The following CCDC9 variants were observed in gnomAD, a reference collection of about 807,000 sequenced individuals.
CCDC9 encodes the protein coiled-coil domain-containing protein 9.
Under a neutral mutation model 65.6 loss-of-function variants are expected in CCDC9, and 52 were observed. The ratio of observed to expected loss-of-function variants is 0.79; its 90% CI spans 0.63 to 1.00. The LOEUF (loss-of-function observed/expected upper bound fraction) is 1.00, where lower values mean the gene tolerates loss of function less well. Among genes scored for constraint, CCDC9 ranks in the 50% least tolerant of loss-of-function variants. CCDC9 has a pLI of 0.00. For synonymous variants in CCDC9, 332 were observed against 280.3 expected (o/e 1.18, Z -1.84); for missense variants, 834 against 757.2 (o/e 1.10, Z -1.19).
chr19:47,275,351 C>G (rs759124478), downstream of CCDC9: 74 of 1,538,216 alleles, frequency 4.8e-5, no homozygotes, highest in African/African-American at 7.7e-4. Context: ...CCGGGTAACT[C>G]TCCCTTCCAC....
intron 8 of CCDC9, among the ~76,000 whole-genome samples, chr19:47,267,843 CT>C (rs912503560): frequency 3.2e-4 from 47 of 147,104 alleles, no homozygotes; most frequent in Middle Eastern, 3.5e-3. Context: ...TCACCGTCAC[CT>C]TTTTTTTTTT....
At position 47,260,753 on chromosome 19, in the gene CCDC9, G is replaced by C; in HGVS notation, c.376G>C (p.Gly126Arg). ...GGAGCAGCCTCGAGGAGGAGGAGCT[G>C]GGGGCCGTGGCCGGAGGGGCCGGGG... ...PGEQPRGGGA[G>R]GRGRRGRGRG... The change falls in exon 5 of 12, where the codon GGG becomes CGG. Residue 126 changes from glycine (G) to arginine (R), a missense_variant. Transcript: ENST00000221922. 6.2e-7 allele frequency: 1 copy of C among 1,608,264 alleles called. No individual in the cohort carries two copies. Among genetic ancestry groups the C allele is most frequent in the Non-Finnish European group, 8.5e-7 (1 of 1,177,706 alleles).
At chr19:47,274,848 C>CG (rs1362129975), downstream of CCDC9, 24 of 811,950 alleles carry the variant, frequency 3.0e-5, no homozygotes, top group Admixed American at 1.5e-3. Flanking sequence ...GGGCGGTCTG[C>CG]GGGGTGGGGG....
downstream of CCDC9, among the ~76,000 whole-genome samples, chr19:47,273,098 T>C (rs1006957977): frequency 6.6e-6 from 1 of 151,944 alleles, no homozygotes; most frequent in Non-Finnish European, 1.5e-5. Flanking sequence ...CCCTCTGTCT[T>C]GGGCCACTTG....
At chr19:47,274,837 G>A (rs2059146155), downstream of CCDC9, 1 of 901,696 alleles carries the variant, frequency 1.1e-6, no homozygotes, top group Non-Finnish European at 1.3e-6. Context: ...TTTAGAGAGC[G>A]GGGCGGTCTG....
chr19:47,268,402 A>G (rs144042229), intron 8 of CCDC9, among the ~76,000 whole-genome samples: 552 of 152,228 alleles, frequency 3.6e-3, no homozygotes, highest in African/African-American at 0.013. Context: ...GGCTTTGGCT[A>G]AGGAGGATTT....
chr19:47,263,365 C>G (rs888708404), intron 5 of CCDC9, among the ~76,000 whole-genome samples: 2 of 151,990 alleles, frequency 1.3e-5, no homozygotes, highest in African/African-American at 4.8e-5. Flanking sequence ...GGCGGGGTAC[C>G]TGGGCTGAGG....
chr19:47,266,848 TCTAAGTC>T, intron 8 of CCDC9, 56 bp downstream of exon 8: 1 of 1,548,896 alleles, frequency 6.5e-7, no homozygotes, highest in East Asian at 2.4e-5. Flanking sequence ...GGCCCTGACT[TCTAAGTC>T]CTATGCCTCT....
At chr19:47,269,499 A>ACGT (rs1273434486) in intron 8 of CCDC9, among the ~76,000 whole-genome samples, 28 of 151,770 alleles carry the variant, frequency 1.8e-4, no homozygotes, top group Admixed American at 3.9e-4. Flanking sequence ...TACAGGTGCC[A>ACGT]GCCACCAAGC....
chr19:47,275,325 G>T (rs1468375474), downstream of CCDC9: 8 of 1,545,734 alleles, frequency 5.2e-6, no homozygotes, highest in Non-Finnish European at 7.0e-6. Context: ...GCCAGAGGCC[G>T]CGGAGGGGCG....
intron 8 of CCDC9, among the ~76,000 whole-genome samples, chr19:47,268,710 G>A (rs942717806): frequency 6.6e-6 from 1 of 152,020 alleles, no homozygotes; most frequent in African/African-American, 2.4e-5. Context: ...GAGGTCAGGA[G>A]ATCAAAACCA....
intron 3 of CCDC9, among the ~76,000 whole-genome samples, chr19:47,260,041 T>A (rs2059034487): frequency 6.6e-6 from 1 of 152,062 alleles, no homozygotes; most frequent in South Asian, 2.1e-4. Context: ...GCCGGAGTGA[T>A]CGTGGGGAGA....
At chr19:47,272,956 T>C (rs1309934925), downstream of CCDC9, among the ~76,000 whole-genome samples, 1 of 147,602 alleles carries the variant, frequency 6.8e-6, no homozygotes, top group Non-Finnish European at 1.5e-5. Flanking sequence ...CTGGTTAGAA[T>C]AGCAGGCGTT....
chr19:47,271,727 G>GTGTT lies in CCDC9; in HGVS notation c.*52_*53insTTGT. 1 of 815,000 alleles carries GTGTT rather than the reference G, an allele frequency of 1.2e-6. No homozygotes were observed. Among genetic ancestry groups the GTGTT allele is most frequent in the Non-Finnish European group, 1.5e-6 (1 of 669,276 alleles). 50.5% of individuals were successfully genotyped at this position (815,000 alleles called of 1,614,324 possible). On this transcript the variant is annotated 3_prime_UTR_variant, in exon 12 of 12. Coordinates refer to ENST00000221922, the MANE Select transcript of CCDC9 (RefSeq NM_015603.3). ...TGTGTGTGTGTGTGTGTGTGTGTGT[G>GTGTT]TGTGTGCGCGCGCGCGCGCGCGCGC...
Position 47,260,688 on chromosome 19 carries a change from G to T in CCDC9, c.311G>T (p.Gly104Val). Residue 104 changes from glycine to valine, a missense_variant, in exon 5 of 12, where the codon GGC (glycine) becomes GTC (valine). Gly to Val is a moderately radical substitution (Grantham distance 109, BLOSUM62 -3). Coordinates refer to ENST00000221922, the MANE Select transcript of CCDC9 (RefSeq NM_015603.3). ...RTPPQQGGRAGMGRASRSWEG... is the reference protein window; with the variant it reads ...RTPPQQGGRAVMGRASRSWEG... ...CCTCCACAGCAGGGAGGCCGGGCCG[G>T]CATGGGCCGAGCATCGCGCAGCTGG... is the stretch of plus-strand genomic sequence containing the variant. 4 of 1,555,990 alleles carry T rather than the reference G, an allele frequency of 2.6e-6. No individual in the cohort carries two copies. Among genetic ancestry groups the T allele is most frequent in the Non-Finnish European group, 3.5e-6 (4 of 1,157,474 alleles).
At chr19:47,268,227 C>T (rs1281230980) in intron 8 of CCDC9, among the ~76,000 whole-genome samples, 1 of 152,108 alleles carries the variant, frequency 6.6e-6, no homozygotes, top group African/African-American at 2.4e-5. Context: ...AAAGCAAAGC[C>T]CTCATTGCAT....
intron 5 of CCDC9, among the ~76,000 whole-genome samples, chr19:47,262,921 A>G (rs1049576837): frequency 3.3e-5 from 5 of 152,118 alleles, no homozygotes; most frequent in Admixed American, 6.6e-5. Context: ...CCCCATCTCT[A>G]TAAAAATTTT....
At position 47,260,357 on chromosome 19, in the gene CCDC9, G is replaced by T. The variant is rs1440006055; in HGVS notation, c.145G>T (p.Gly49Ter). The T allele has an allele frequency of 1.9e-6, 3 of 1,601,770 alleles. No individual in the cohort carries two copies. The highest frequency in any genetic ancestry group is 2.6e-6 in the Non-Finnish European group (3 of 1,174,040). Residue 49 changes from glycine to a stop codon, truncating the protein, a stop_gained, in exon 4 of 12, where the codon GGA (glycine) becomes TGA (stop). Transcript: ENST00000221922. LOFTEE classifies it high-confidence loss of function. The stretch of plus-strand genomic sequence containing the variant: ...AGACCGTAAGAAAGCTGAACTTGAG[G>T]GAGTCGCAGTCACAGCTCCCCGAAA... ...EEDRKKAELEGVAVTAPRKGR... is the reference protein window; with the variant it reads ...EEDRKKAELE
At chr19:47,264,006 G>A (rs1340701094) in intron 5 of CCDC9, among the ~76,000 whole-genome samples, 1 of 152,008 alleles carries the variant, frequency 6.6e-6, no homozygotes, top group Admixed American at 6.6e-5. Flanking sequence ...AGCCTCCCGA[G>A]CAGCTGGGAT....
Sources: allele counts gnomAD v4.1 joint callset (sites outside exome capture counted in the v4.1 genomes callset), GRCh38; gene constraint gnomAD v4.1.1; transcripts MANE v1.5; gene names NCBI Gene and HGNC (gene_info 2026-07-23, HGNC 2026-07-21).